KSR2: variants seen among roughly 807,000 people sequenced by gnomAD.
KSR2 encodes kinase suppressor of ras 2.
A neutral mutation model predicts 107.8 loss-of-function variants in KSR2; 25 were observed. That is an observed-to-expected ratio of 0.23 (90% CI 0.17 to 0.32). The LOEUF (loss-of-function observed/expected upper bound fraction) is 0.32. Among genes scored for constraint, KSR2 ranks in the 10% least tolerant of loss-of-function variants. KSR2 has a pLI of 1.00. For synonymous variants in KSR2, 480 were observed against 507.0 expected, an observed-to-expected ratio of 0.95 and a Z score of 0.71; for missense variants, 887 against 1,268.9, an observed-to-expected ratio of 0.70 and a Z score of 4.57.
intron 5 of KSR2, among the ~76,000 whole-genome samples, chr12:117,666,941 T>A (rs1884681545): frequency 6.6e-6 from 1 of 152,104 alleles, no homozygotes; most frequent in Non-Finnish European, 1.5e-5. Flanking sequence ...CAGCAGAAAT[T>A]CGTAAGAGCA....
intron 5 of KSR2, among the ~76,000 whole-genome samples, chr12:117,592,635 A>C (rs1880395916): frequency 6.6e-6 from 1 of 152,216 alleles, no homozygotes; most frequent in Non-Finnish European, 1.5e-5. Context: ...GTAAAGAAAG[A>C]AAAGATGGCT....
At chr12:117,960,268 G>A (rs1896621399) in intron 1 of KSR2, among the ~76,000 whole-genome samples, 1 of 152,066 alleles carries the variant, frequency 6.6e-6, no homozygotes, top group Non-Finnish European at 1.5e-5. Context: ...TGATTTTCAT[G>A]GCTGTGGTAT....
At chr12:117,956,630 C>T (rs1231222459) in intron 1 of KSR2, among the ~76,000 whole-genome samples, 3 of 150,516 alleles carry the variant, frequency 2.0e-5, no homozygotes, top group Non-Finnish European at 3.0e-5. Flanking sequence ...TTTTTTCCTT[C>T]ATACTAAGAG....
intron 5 of KSR2, 80 bp from the exon 6 acceptor site, chr12:117,582,439 G>GTGAC: frequency 2.9e-6 from 3 of 1,052,572 alleles, no homozygotes; most frequent in Non-Finnish European, 4.4e-6. Flanking sequence ...AAGGAAAAGG[G>GTGAC]GGGCTCGTCA....
intron 14 of KSR2, among the ~76,000 whole-genome samples, chr12:117,497,174 G>A (rs1041930967): frequency 6.6e-6 from 1 of 152,148 alleles, no homozygotes; most frequent in Non-Finnish European, 1.5e-5. Context: ...CACTGTGCCA[G>A]GCCAAAGATG....
chr12:117,880,812 T>C (rs1894002959), intron 1 of KSR2, among the ~76,000 whole-genome samples: 1 of 148,806 alleles, frequency 6.7e-6, no homozygotes, highest in Non-Finnish European at 1.5e-5. Flanking sequence ...GGATTACAGG[T>C]GCACACCACC....
At position 117,469,632 on chromosome 12, in the gene KSR2, TG is replaced by T. The variant is rs774155887; in HGVS notation, c.2846+29del. On this transcript the variant is annotated intron_variant, in intron 19 of 19. Coordinates refer to ENST00000339824, the MANE Select transcript of KSR2 (RefSeq NM_173598.6). ...TGACAAAGGGCAGAGGACAAGGCAG[TG>T]GGGAGAGACATTAAGGGAGAAAACC... 3.7e-6 allele frequency: 6 copies of T among 1,607,322 alleles called. No homozygotes were observed. The South Asian group carries it at 6.7e-5, about 18-fold the overall frequency.
At chr12:117,960,321 C>A (rs1896622953) in intron 1 of KSR2, among the ~76,000 whole-genome samples, 1 of 152,132 alleles carries the variant, frequency 6.6e-6, no homozygotes, top group South Asian at 2.1e-4. Context: ...ATAAACCACA[C>A]CTCCTGGAAT....
chr12:117,934,017 G>T (rs1366281068), intron 1 of KSR2, among the ~76,000 whole-genome samples: 1 of 152,174 alleles, frequency 6.6e-6, no homozygotes, highest in Non-Finnish European at 1.5e-5. Context: ...TGCAAACTCT[G>T]AAACATCCCA....
At chr12:117,471,161 C>T in intron 18 of KSR2, 30 bp downstream of exon 18, 1 of 1,610,622 alleles carries the variant, frequency 6.2e-7, no homozygotes, top group Non-Finnish European at 8.5e-7. Context: ...TCCCCTCATC[C>T]CCCAAGTCTG....
chr12:117,547,625 T>G (rs974568804), intron 9 of KSR2, among the ~76,000 whole-genome samples: 42 of 152,196 alleles, frequency 2.8e-4, no homozygotes, highest in African/African-American at 9.2e-4. Flanking sequence ...GATTTTTCTG[T>G]GGTGTTTGGC....
At chr12:117,632,803 TC>T (rs1427878171) in intron 5 of KSR2, among the ~76,000 whole-genome samples, 2 of 152,218 alleles carry the variant, frequency 1.3e-5, no homozygotes, top group East Asian at 3.9e-4. Context: ...GGTTTTCTGT[TC>T]CTGCATTCGT....
chr12:117,905,370 A>G (rs1351147623), intron 1 of KSR2, among the ~76,000 whole-genome samples: 3 of 152,158 alleles, frequency 2.0e-5, no homozygotes, highest in African/African-American at 7.2e-5. Flanking sequence ...TACGTTTGTT[A>G]TAATACAAAT....
chr12:117,556,750 G>A (rs1043296636), intron 8 of KSR2, among the ~76,000 whole-genome samples: 1 of 152,168 alleles, frequency 6.6e-6, no homozygotes, highest in Non-Finnish European at 1.5e-5. Context: ...AGATGAGCAA[G>A]TTGCTGTACC....
chr12:117,918,579 G>A (rs976392532), intron 1 of KSR2, among the ~76,000 whole-genome samples: 6 of 149,368 alleles, frequency 4.0e-5, no homozygotes, highest in South Asian at 2.1e-4. Flanking sequence ...ACCTGAGGTC[G>A]GGAGTTTGAG....
At chr12:117,730,208 G>C (rs1000460474) in intron 4 of KSR2, among the ~76,000 whole-genome samples, 2 of 152,142 alleles carry the variant, frequency 1.3e-5, no homozygotes, top group African/African-American at 2.4e-5. Flanking sequence ...GTAGCTTGCC[G>C]ATCCCTGTGC....
At chr12:117,843,148 T>A (rs1026916785) in intron 3 of KSR2, among the ~76,000 whole-genome samples, 1 of 152,160 alleles carries the variant, frequency 6.6e-6, no homozygotes, top group Non-Finnish European at 1.5e-5. Flanking sequence ...ATGAGGATGA[T>A]ACAACTAGCA....
intron 4 of KSR2, chr12:117,677,327 A>G (rs1051319821): frequency 6.6e-6 from 1 of 152,160 alleles, no homozygotes; most frequent in South Asian, 2.1e-4. Context: ...AAATGACATC[A>G]TAAGGGAGAG....
At chr12:117,645,366 T>C (rs1321233978) in intron 5 of KSR2, among the ~76,000 whole-genome samples, 1 of 152,204 alleles carries the variant, frequency 6.6e-6, no homozygotes, top group African/African-American at 2.4e-5. Context: ...TGGTTCTCTG[T>C]TACTTATATC....
Sources: allele counts gnomAD v4.1 joint callset (sites outside exome capture counted in the v4.1 genomes callset), GRCh38; gene constraint gnomAD v4.1.1; transcripts MANE v1.5; gene names NCBI Gene and HGNC (gene_info 2026-07-23, HGNC 2026-07-21).